Variants in PTPRD observed in about 807,000 individuals in gnomAD.
The protein encoded by PTPRD is receptor-type tyrosine-protein phosphatase delta.
In PTPRD, 34 loss-of-function variants were observed where a neutral mutation model predicts 214.5. The observed-to-expected ratio is 0.16, with a 90% CI of 0.12 to 0.21. PTPRD has a LOEUF of 0.21. PTPRD is among the 10% of genes least tolerant of loss of function. The pLI is 1.00. For missense variants in PTPRD, 2,545 were observed against 2,398.7 expected, an observed-to-expected ratio of 1.06 and a Z score of -1.27; for synonymous variants, 1,128 against 845.7, an observed-to-expected ratio of 1.33 and a Z score of -5.79.
chr9:9,199,033 A>T (rs1457135325), intron 9 of PTPRD, among the ~76,000 whole-genome samples: 1 of 152,142 alleles, frequency 6.6e-6, no homozygotes, highest in Non-Finnish European at 1.5e-5. Flanking sequence ...TACCAAAGAC[A>T]TGTGGGCAGC....
chr9:9,741,597 C>G (rs902971645), intron 6 of PTPRD, among the ~76,000 whole-genome samples: 2 of 152,086 alleles, frequency 1.3e-5, no homozygotes, highest in Non-Finnish European at 2.9e-5. Context: ...TAATGCTATC[C>G]CTCCCATAGT....
chr9:9,487,349 T>C (rs2095691210), intron 8 of PTPRD, among the ~76,000 whole-genome samples: 1 of 152,248 alleles, frequency 6.6e-6, no homozygotes, highest in Middle Eastern at 3.4e-3. Flanking sequence ...CTGAGAATGA[T>C]GGTTTCCAGC....
In PTPRD at chr9:8,633,450, C is replaced by T. The variant is rs74945428; in HGVS notation, c.219G>A (p.Glu73=). The T allele has an allele frequency of 2.2e-4, 349 of 1,611,614 alleles. 4 individuals are homozygous for T. In the African/African-American group the frequency reaches 4.3e-3, roughly 20 times the overall value. Residue 73 remains glutamate (E), a synonymous_variant, in exon 14 of 46, where the codon GAG becomes GAA. Transcript: ENST00000381196. ...GAACTGATCCAGACCCATCGTCAAA[C>T]TCTATTACCTATTAGAGGAAACAAT... ...KVSNQRFEVI[E]FDDGSGSVLR...
chr9:10,154,797 T>C lies in PTPRD; in HGVS notation c.-544-121007A>G, dbSNP rs550117944. ...TTTCTAGGATCTCTATACTGTTTCA[T>C]TGGTCTATATGCCTGTTTTTGTACC... On this transcript the variant is annotated intron_variant, in intron 3 of 45. Coordinates refer to ENST00000381196, the MANE Select transcript of PTPRD (RefSeq NM_002839.4). Among the ~76,000 whole-genome samples, 4 of 152,222 alleles carry C rather than the reference T, an allele frequency of 2.6e-5. No individual in the cohort carries two copies. The South Asian group carries it at 6.2e-4, about 24-fold the overall frequency.
chr9:10,594,172 CTACTT>C (rs1280174810), intron 2 of PTPRD, among the ~76,000 whole-genome samples: 1 of 151,958 alleles, frequency 6.6e-6, no homozygotes, highest in Non-Finnish European at 1.5e-5. Flanking sequence ...ATTACATAAT[CTACTT>C]TACTATAATT....
At chr9:9,788,070 C>T (rs1458173680) in intron 5 of PTPRD, among the ~76,000 whole-genome samples, 1 of 151,094 alleles carries the variant, frequency 6.6e-6, no homozygotes, top group Non-Finnish European at 1.5e-5. Context: ...AGGCGTGAGC[C>T]ATCGCGCCCA....
chr9:9,905,828 G>C lies in PTPRD; in HGVS notation c.-368+32679C>G, dbSNP rs571120698. Reference sequence around the variant, plus strand: ...AGTATACAAACAAGGACAAAAGAGAGAACTAAACAGAACATAGGGGCCTAA... The same window carrying C: ...AGTATACAAACAAGGACAAAAGAGACAACTAAACAGAACATAGGGGCCTAA... On this transcript the variant is annotated intron_variant, in intron 5 of 45. Coordinates refer to ENST00000381196, the MANE Select transcript of PTPRD (RefSeq NM_002839.4). 3.9e-5 allele frequency among the ~76,000 whole-genome samples: 6 copies of C among 152,098 alleles called. No individual in the cohort carries two copies. The East Asian group carries it at 1.2e-3, about 29-fold the overall frequency.
At chr9:9,450,586 T>A (rs1299946157) in intron 8 of PTPRD, among the ~76,000 whole-genome samples, 1 of 151,964 alleles carries the variant, frequency 6.6e-6, no homozygotes, top group Non-Finnish European at 1.5e-5. Context: ...TGTAAATTCT[T>A]ATCATAGATA....
intron 4 of PTPRD, among the ~76,000 whole-genome samples, chr9:9,946,166 CT>C (rs2092524399): frequency 7.0e-6 from 1 of 142,666 alleles, no homozygotes; most frequent in Non-Finnish European, 1.5e-5. Context: ...GATAATAAGG[CT>C]TTGTGGTTTT....
At chr9:9,424,725 C>A (rs985607630) in intron 8 of PTPRD, among the ~76,000 whole-genome samples, 1 of 152,138 alleles carries the variant, frequency 6.6e-6, no homozygotes, top group Non-Finnish European at 1.5e-5. Flanking sequence ...GAAGAATCTA[C>A]TGACAACTGT....
intron 9 of PTPRD, among the ~76,000 whole-genome samples, chr9:9,341,594 T>C (rs2046828419): frequency 6.6e-6 from 1 of 152,062 alleles, no homozygotes; most frequent in Admixed American, 6.6e-5. Context: ...ATTGACATCC[T>C]GGTTTTGTAT....
At chr9:8,449,985 T>A in intron 33 of PTPRD, 148 bp from the exon 34 acceptor site, 2 of 732,578 alleles carry the variant, frequency 2.7e-6, no homozygotes, top group Non-Finnish European at 4.3e-6. Flanking sequence ...CCAGTTCGGG[T>A]TGCTTTTCCC....
chr9:10,399,771 A>G (rs1434049940), intron 2 of PTPRD, among the ~76,000 whole-genome samples: 2 of 151,912 alleles, frequency 1.3e-5, no homozygotes, highest in Admixed American at 1.3e-4. Flanking sequence ...AGAATCTAAG[A>G]AAGAGCATGA....
intron 8 of PTPRD, among the ~76,000 whole-genome samples, chr9:9,457,009 T>C (rs1340199436): frequency 6.6e-6 from 1 of 151,906 alleles, no homozygotes; most frequent in African/African-American, 2.4e-5. Context: ...TAGGTCCAAA[T>C]GGCATGCCCA....
intron 7 of PTPRD, among the ~76,000 whole-genome samples, chr9:9,710,048 A>T (rs1479291784): frequency 6.8e-6 from 1 of 146,778 alleles, no homozygotes; most frequent in African/African-American, 2.5e-5. Context: ...TTGTTTCTTT[A>T]AAAAAAAAAA....
At chr9:9,177,675 T>C (rs2099925729) in intron 10 of PTPRD, among the ~76,000 whole-genome samples, 1 of 152,056 alleles carries the variant, frequency 6.6e-6, no homozygotes, top group Admixed American at 6.6e-5. Context: ...GGTAAGCAAA[T>C]TGTTAATGCT....
intron 11 of PTPRD, among the ~76,000 whole-genome samples, chr9:8,897,616 C>A (rs944023269): frequency 6.6e-6 from 1 of 152,188 alleles, no homozygotes; most frequent in East Asian, 1.9e-4. Context: ...TGGGACATAC[C>A]TCCAGGGGAA....
intron 3 of PTPRD, among the ~76,000 whole-genome samples, chr9:10,128,885 G>C (rs1207687238): frequency 6.6e-6 from 1 of 152,040 alleles, no homozygotes; most frequent in African/African-American, 2.4e-5. Context: ...ATAAAAGCCA[G>C]ACTCTTAATA....
intron 5 of PTPRD, among the ~76,000 whole-genome samples, chr9:9,911,469 ATTTGT>A (rs373323003): frequency 2.0e-5 from 3 of 151,690 alleles, no homozygotes; most frequent in Middle Eastern, 3.2e-3. Flanking sequence ...CTCCCTTACC[ATTTGT>A]TATGGTTTGG....
Sources: allele counts gnomAD v4.1 joint callset (sites outside exome capture counted in the v4.1 genomes callset), GRCh38; gene constraint gnomAD v4.1.1; transcripts MANE v1.5; gene names NCBI Gene and HGNC (gene_info 2026-07-23, HGNC 2026-07-21).